The following NCAM2 variants were observed in gnomAD, a reference collection of about 807,000 sequenced individuals.
NCAM2 encodes N-CAM-2.
A neutral mutation model predicts 98.1 loss-of-function variants in NCAM2; 30 were observed. The observed-to-expected ratio is 0.31, with a 90% CI of 0.23 to 0.41. The LOEUF (loss-of-function observed/expected upper bound fraction) is 0.41. NCAM2 is among the 10% of genes least tolerant of loss of function. NCAM2 has a pLI of 1.00. For synonymous variants in NCAM2, 368 were observed against 342.4 expected (o/e 1.07, Z -0.83); for missense variants, 867 against 1,005.8 (o/e 0.86, Z 1.87).
At chr21:21,321,017 G>A (rs2074361070) in intron 5 of NCAM2, among the ~76,000 whole-genome samples, 1 of 152,142 alleles carries the variant, frequency 6.6e-6, no homozygotes, top group Non-Finnish European at 1.5e-5. Flanking sequence ...CATGCAGACT[G>A]AGAATATAAA....
At chr21:21,356,984 C>CATAA (rs1414319860) in intron 8 of NCAM2, among the ~76,000 whole-genome samples, 8 of 73,528 alleles carry the variant, frequency 1.1e-4, no homozygotes, top group African/African-American at 5.1e-4. Context: ...AGCGAAACTC[C>CATAA]ATCAATAAAT....
chr21:21,142,838 TGTAAA>T (rs1002091491), intron 1 of NCAM2, among the ~76,000 whole-genome samples: 3 of 152,236 alleles, frequency 2.0e-5, no homozygotes, highest in Non-Finnish European at 1.5e-5. Flanking sequence ...CATAATTAAA[TGTAAA>T]GTATTCCTCA....
chr21:21,133,570 G>A lies in NCAM2; in HGVS notation c.55+134952G>A, dbSNP rs539205627. ...TGCACTGACCAGTTCAACAACTGTGGTATTAATTAGTCATCACATATTCAA... is the reference window on the plus strand; with the variant it reads ...TGCACTGACCAGTTCAACAACTGTGATATTAATTAGTCATCACATATTCAA... On this transcript the variant is annotated intron_variant, in intron 1 of 17. Coordinates refer to ENST00000400546, the MANE Select transcript of NCAM2 (RefSeq NM_004540.5). 3.3e-5 allele frequency among the ~76,000 whole-genome samples: 5 copies of A among 152,266 alleles called. No homozygotes were observed. In the South Asian group the frequency reaches 1.0e-3, roughly 32 times the overall value.
intron 1 of NCAM2, among the ~76,000 whole-genome samples, chr21:21,206,458 A>G (rs1016241286): frequency 6.6e-6 from 1 of 152,156 alleles, no homozygotes; most frequent in Admixed American, 6.6e-5. Flanking sequence ...ATAATCCATG[A>G]TGCTGCTATG....
intron 1 of NCAM2, among the ~76,000 whole-genome samples, chr21:21,237,986 C>T (rs1259975326): frequency 1.6e-5 from 2 of 128,770 alleles, no homozygotes; most frequent in African/African-American, 6.1e-5. Flanking sequence ...GACGGAGTCT[C>T]GCTCTGTCGC....
intron 1 of NCAM2, among the ~76,000 whole-genome samples, chr21:21,026,195 AT>A (rs2146204023): frequency 1.3e-5 from 2 of 152,304 alleles, no homozygotes; most frequent in East Asian, 3.9e-4. Context: ...ATCTTCTAGC[AT>A]TGTGGTAAAG....
At chr21:21,387,838 TA>T (rs1306097669) in intron 9 of NCAM2, among the ~76,000 whole-genome samples, 3 of 152,092 alleles carry the variant, frequency 2.0e-5, no homozygotes, top group Admixed American at 1.3e-4. Context: ...CCAATGACTT[TA>T]AAAAATAAAG....
chr21:21,164,630 A>G (rs2067893802), intron 1 of NCAM2, among the ~76,000 whole-genome samples: 1 of 152,228 alleles, frequency 6.6e-6, no homozygotes, highest in African/African-American at 2.4e-5. Context: ...AGGCAATTAC[A>G]AATTAACTTT....
chr21:21,290,417 A>G (rs2073249613), intron 4 of NCAM2, among the ~76,000 whole-genome samples: 1 of 151,834 alleles, frequency 6.6e-6, no homozygotes, highest in African/African-American at 2.4e-5. Context: ...GTTTCTGGTT[A>G]TTTCAGGACC....
chr21:21,469,664 T>C (rs973046), intron 14 of NCAM2, among the ~76,000 whole-genome samples: 73,488 of 151,748 alleles, frequency 0.48, 18,612 homozygotes, highest in East Asian at 0.95. Flanking sequence ...TATTTTCTCA[T>C]CAATTTTCTA....
chr21:21,532,025 A>G (rs1989733406), intron 16 of NCAM2, among the ~76,000 whole-genome samples: 1 of 151,800 alleles, frequency 6.6e-6, no homozygotes. Context: ...TATATATCTT[A>G]CAATGGATAG....
chr21:21,539,625 G>A lies in NCAM2; in HGVS notation c.*1668G>A, dbSNP rs916130655. On this transcript the variant is annotated 3_prime_UTR_variant, in exon 18 of 18. Coordinates refer to ENST00000400546, the MANE Select transcript of NCAM2 (RefSeq NM_004540.5). ...TCACTTTTCTGGCTACAGCAGGACA[G>A]AATATGACCATCTTCGTTTGAAGGC... The A allele has an allele frequency of 5.9e-5, 9 of 152,322 alleles. No homozygotes were observed. Among genetic ancestry groups the A allele is most frequent in the African/African-American group, 1.9e-4 (8 of 41,574 alleles). 9.4% of individuals were successfully genotyped at this position (152,322 alleles called of 1,614,324 possible). A position where few individuals can be genotyped will look rare whatever the true frequency, so the allele number is the denominator to read the frequency against.
intron 1 of NCAM2, among the ~76,000 whole-genome samples, chr21:21,024,525 A>G (rs1248193222): frequency 6.6e-6 from 1 of 152,228 alleles, no homozygotes; most frequent in East Asian, 1.9e-4. Flanking sequence ...CAGCCAGCAC[A>G]GAGAATGGCT....
At chr21:21,251,561 C>T (rs959973891) in intron 1 of NCAM2, among the ~76,000 whole-genome samples, 1 of 151,908 alleles carries the variant, frequency 6.6e-6, no homozygotes, top group African/African-American at 2.4e-5. Context: ...ATCATTGATG[C>T]GCATTTGAGT....
chr21:21,433,236 A>G (rs548795461), intron 12 of NCAM2, among the ~76,000 whole-genome samples: 1 of 152,152 alleles, frequency 6.6e-6, no homozygotes, highest in South Asian at 2.1e-4. Context: ...TAATGTTCTC[A>G]AACTGATGAG....
At chr21:21,124,102 G>A (rs985067812) in intron 1 of NCAM2, among the ~76,000 whole-genome samples, 4 of 151,396 alleles carry the variant, frequency 2.6e-5, no homozygotes, top group African/African-American at 4.9e-5. Context: ...CCACCTCGGC[G>A]TCCCATAATG....
At chr21:21,048,848 T>G (rs1260506039) in intron 1 of NCAM2, among the ~76,000 whole-genome samples, 1 of 152,152 alleles carries the variant, frequency 6.6e-6, no homozygotes, top group Non-Finnish European at 1.5e-5. Context: ...CGTCAACATT[T>G]TTTAGATCTG....
At chr21:21,096,246 T>A (rs1262061736) in intron 1 of NCAM2, among the ~76,000 whole-genome samples, 2 of 151,686 alleles carry the variant, frequency 1.3e-5, no homozygotes, top group African/African-American at 4.8e-5. Context: ...TATATTTTTT[T>A]AATTTCCAAA....
intron 14 of NCAM2, among the ~76,000 whole-genome samples, chr21:21,472,219 A>G (rs1984527336): frequency 6.6e-6 from 1 of 151,980 alleles, no homozygotes; most frequent in African/African-American, 2.4e-5. Context: ...GTAGCTTAAA[A>G]TCAATTGTAA....
Sources: allele counts gnomAD v4.1 joint callset (sites outside exome capture counted in the v4.1 genomes callset), GRCh38; gene constraint gnomAD v4.1.1; transcripts MANE v1.5; gene names NCBI Gene and HGNC (gene_info 2026-07-23, HGNC 2026-07-21).